The following KLHL29 variants were observed in gnomAD, a reference collection of about 807,000 sequenced individuals.
KLHL29 encodes the protein kelch like family member 29, also known as kelch-like protein 29.
In KLHL29, 21 loss-of-function variants were observed where a neutral mutation model predicts 80.4. The observed-to-expected ratio is 0.26, with a 90% CI of 0.19 to 0.38. The LOEUF (loss-of-function observed/expected upper bound fraction) is 0.38, where lower values mean the gene tolerates loss of function less well. Among genes scored for constraint, KLHL29 ranks in the 10% least tolerant of loss-of-function variants. The pLI is 1.00. For synonymous variants in KLHL29, 511 were observed against 526.8 expected, an observed-to-expected ratio of 0.97 and a Z score of 0.41; for missense variants, 867 against 1,223.9, an observed-to-expected ratio of 0.71 and a Z score of 4.35.
chr2:23,409,358 A>G (rs1666808368), intron 1 of KLHL29, among the ~76,000 whole-genome samples: 1 of 152,152 alleles, frequency 6.6e-6, no homozygotes, highest in Admixed American at 6.5e-5. Flanking sequence ...GATTTCTCCT[A>G]CCCTGATTCT....
At chr2:23,538,276 C>T (rs1298375503) in intron 2 of KLHL29, among the ~76,000 whole-genome samples, 1 of 152,190 alleles carries the variant, frequency 6.6e-6, no homozygotes, top group Admixed American at 6.5e-5. Context: ...TCAAGTGATG[C>T]TGGACCTAAG....
At chr2:23,451,041 A>G (rs1334489476) in intron 1 of KLHL29, among the ~76,000 whole-genome samples, 1 of 152,232 alleles carries the variant, frequency 6.6e-6, no homozygotes, top group Non-Finnish European at 1.5e-5. Context: ...TTATACAATA[A>G]TGCGGTCTTT....
In KLHL29 at chr2:23,696,632, C is replaced by G; in HGVS notation, c.2105+119C>G. 1 of 773,776 alleles carries G rather than the reference C, an allele frequency of 1.3e-6. No homozygotes were observed. Among genetic ancestry groups the G allele is most frequent in the African/African-American group, 1.8e-5 (1 of 56,636 alleles). The allele number at this position is 773,776 out of a possible 1,614,324, so 47.9% of individuals were successfully genotyped here. A position where few individuals can be genotyped will look rare whatever the true frequency, so the allele number is the denominator to read the frequency against. On this transcript the variant is annotated intron_variant, in intron 11 of 13. Transcript: ENST00000486442. This position sits in a 1 kb window ranked among gnomAD's most constrained non-coding sequence, Gnocchi z 5.5. ...GCGATGGAGCAGAGCCTGGACCATT[C>G]ATATGGGCAGTCATCCCAGGCTCTT...
At chr2:23,408,306 GTT>G (rs1218544559) in intron 1 of KLHL29, among the ~76,000 whole-genome samples, 2 of 67,284 alleles carry the variant, frequency 3.0e-5, no homozygotes, top group Non-Finnish European at 6.2e-5. Flanking sequence ...AAAAAATTGA[GTT>G]TTTTTTTTAC....
At chr2:23,589,928 T>G (rs1428335529) in intron 3 of KLHL29, among the ~76,000 whole-genome samples, 3 of 152,242 alleles carry the variant, frequency 2.0e-5, no homozygotes, top group African/African-American at 7.2e-5. Context: ...ACGTCTATTC[T>G]GGGTCCTGCC....
At chr2:23,555,935 A>C (rs1667276905) in intron 2 of KLHL29, among the ~76,000 whole-genome samples, 1 of 152,144 alleles carries the variant, frequency 6.6e-6, no homozygotes, top group Non-Finnish European at 1.5e-5. Flanking sequence ...CCTTGTCCTA[A>C]GGTTTGGGGT....
At chr2:23,419,594 A>T (rs1662721841) in intron 1 of KLHL29, among the ~76,000 whole-genome samples, 1 of 152,192 alleles carries the variant, frequency 6.6e-6, no homozygotes, top group African/African-American at 2.4e-5. Context: ...TTCTGAAAGT[A>T]TGTCCTCGCT....
chr2:23,607,871 T>C (rs921703382), intron 3 of KLHL29, among the ~76,000 whole-genome samples: 2 of 152,226 alleles, frequency 1.3e-5, no homozygotes, highest in South Asian at 4.1e-4. Flanking sequence ...TGGTCCCTGC[T>C]GCCAAAAAGG....
In KLHL29 at chr2:23,606,177, AGAGAGAGAGAGG is replaced by A. The variant is rs764181592; in HGVS notation, c.286-32938_286-32927del. Among the ~76,000 whole-genome samples, 1,044 of 125,446 alleles carry A rather than the reference AGAGAGAGAGAGG, an allele frequency of 8.3e-3. 10 individuals are homozygous for A. Among genetic ancestry groups the A allele is most frequent in the African/African-American group, 0.027 (839 of 31,580 alleles). The allele number at this position is 125,446 out of a possible 152,430, so 82.3% of individuals were successfully genotyped here. On this transcript the variant is annotated intron_variant, in intron 3 of 13. Transcript: ENST00000486442. ...GTGTATGTGTGTGTGTGTGCGTGAGAGAGAGAGAGAGGGAGAGAGAGAGGGAGAGAGAGAGAG... is the reference window on the plus strand; with the variant it reads ...GTGTATGTGTGTGTGTGTGCGTGAGAGAGAGAGAGAGGGAGAGAGAGAGAG...
chr2:23,638,660 C>G (rs1669683013), intron 3 of KLHL29, among the ~76,000 whole-genome samples: 1 of 152,180 alleles, frequency 6.6e-6, no homozygotes, highest in South Asian at 2.1e-4. Flanking sequence ...TGCTGGTGGC[C>G]CCTTGGAAAG....
At chr2:23,461,839 G>A (rs1298293743) in intron 1 of KLHL29, among the ~76,000 whole-genome samples, 12 of 151,930 alleles carry the variant, frequency 7.9e-5, no homozygotes, top group Admixed American at 3.9e-4. Context: ...TTTTAATTGC[G>A]GTGGTTCCCT....
At chr2:23,621,981 C>T (rs556876852) in intron 3 of KLHL29, among the ~76,000 whole-genome samples, 2 of 152,316 alleles carry the variant, frequency 1.3e-5, no homozygotes, top group South Asian at 4.1e-4. Context: ...GAGAGAAAGT[C>T]TGGTCCAAAA....
At chr2:23,648,559 T>C (rs998227806) in intron 5 of KLHL29, among the ~76,000 whole-genome samples, 1 of 152,264 alleles carries the variant, frequency 6.6e-6, no homozygotes, top group Admixed American at 6.5e-5. Context: ...GGAAGCAGCC[T>C]GTTGCTGGGA....
intron 2 of KLHL29, among the ~76,000 whole-genome samples, chr2:23,504,072 G>A (rs1411917004): frequency 6.6e-6 from 1 of 152,162 alleles, no homozygotes; most frequent in Non-Finnish European, 1.5e-5. Flanking sequence ...TCGGGAGGAG[G>A]CAGTGACAGC....
At chr2:23,388,980 T>TTC (rs375616110) in intron 1 of KLHL29, among the ~76,000 whole-genome samples, 2 of 136,094 alleles carry the variant, frequency 1.5e-5, no homozygotes, top group Admixed American at 8.0e-5. Flanking sequence ...TTTTTCTTTC[T>TTC]TTCTTCTTCT....
In KLHL29 at chr2:23,541,490, A is replaced by G. The variant is rs574057114; in HGVS notation, c.-45-20662A>G. On this transcript the variant is annotated intron_variant, in intron 2 of 13. Coordinates refer to ENST00000486442, the MANE Select transcript of KLHL29 (RefSeq NM_052920.2). The stretch of plus-strand genomic sequence containing the variant: ...TTGAGGGCAGTCCTCAGCCAAATCC[A>G]TCTCTGCCAGCACTCACAGCCCCAG... 4.6e-5 allele frequency among the ~76,000 whole-genome samples: 7 copies of G among 152,330 alleles called. No individual in the cohort carries two copies. In the South Asian group the frequency reaches 1.2e-3, roughly 27 times the overall value.
rs1667460544 is a variant in KLHL29, at chr2:23,562,105, G to T, written c.-45-47G>T. ...TTCATGGATGCTGTCAGTTGTCGCT[G>T]CCTGCTCCAGTCCTAAATCACCCTT... On this transcript the variant is annotated intron_variant, in intron 2 of 13. Coordinates refer to ENST00000486442, the MANE Select transcript of KLHL29 (RefSeq NM_052920.2). This position sits in a 1 kb window ranked among gnomAD's most constrained non-coding sequence, Gnocchi z 4.5. 6.9e-7 allele frequency: 1 copy of T among 1,459,828 alleles called. No homozygotes were observed. Among genetic ancestry groups the T allele is most frequent in the Non-Finnish European group, 9.3e-7 (1 of 1,079,702 alleles). 90.4% of individuals were successfully genotyped at this position (1,459,828 alleles called of 1,614,324 possible).
rs1292654644 is a variant in KLHL29, at chr2:23,562,193, C to G, written c.-4C>G. ...CCTGTGAGAAGCCGCCTCGGCCCACCGAGATGTCCCGGCACCATAGCCGCT... is the reference window on the plus strand; with the variant it reads ...CCTGTGAGAAGCCGCCTCGGCCCACGGAGATGTCCCGGCACCATAGCCGCT... On this transcript the variant is annotated 5_prime_UTR_variant, in exon 3 of 14. Coordinates refer to ENST00000486442, the MANE Select transcript of KLHL29 (RefSeq NM_052920.2). This position sits in a 1 kb window ranked among gnomAD's most constrained non-coding sequence, Gnocchi z 4.5. The G allele has an allele frequency of 6.5e-7, 1 of 1,550,312 alleles. No homozygotes were observed. Among genetic ancestry groups the G allele is most frequent in the Non-Finnish European group, 8.7e-7 (1 of 1,146,994 alleles).
intron 3 of KLHL29, among the ~76,000 whole-genome samples, chr2:23,630,610 A>G (rs1437580533): frequency 6.6e-6 from 1 of 152,046 alleles, no homozygotes; most frequent in Admixed American, 6.6e-5. Flanking sequence ...CAGTCTCCCC[A>G]AGTAGCTAGG....
Sources: allele counts gnomAD v4.1 joint callset (sites outside exome capture counted in the v4.1 genomes callset), GRCh38; gene constraint gnomAD v4.1.1; non-coding constraint Gnocchi (gnomAD v3.1); transcripts MANE v1.5; gene names NCBI Gene and HGNC (gene_info 2026-07-23, HGNC 2026-07-21).